Variants in CDH13 observed in about 807,000 individuals in gnomAD.
CDH13 encodes the protein cadherin 13, also known as cadherin-13.
In CDH13, 24 loss-of-function variants were observed where a neutral mutation model predicts 63.8. The ratio of observed to expected loss-of-function variants is 0.38; its 90% confidence interval spans 0.27 to 0.53. The LOEUF is 0.53. Ranked by LOEUF, CDH13 falls within the 20% of genes least tolerant of loss-of-function variation. The pLI, the probability that CDH13 is intolerant of heterozygous loss-of-function variation, is 0.85. For synonymous variants in CDH13, 503 were observed against 355.3 expected (o/e 1.42, Z -4.67); for missense variants, 1,049 against 903.1 (o/e 1.16, Z -2.07).
chr16:82,800,912 T>C (rs1597628962), intron 1 of CDH13, among the ~76,000 whole-genome samples: 1 of 152,222 alleles, frequency 6.6e-6, no homozygotes, highest in African/African-American at 2.4e-5. Context: ...TTATTTCCTT[T>C]TTCCTCCTTT....
chr16:83,180,813 T>G, intron 4 of CDH13: 1 of 1,193,430 alleles, frequency 8.4e-7, no homozygotes, highest in Non-Finnish European at 1.2e-6. Flanking sequence ...AGTCATTTGT[T>G]GGCTTGTTTA....
chr16:82,833,321 C>T (rs1309604974), intron 1 of CDH13, among the ~76,000 whole-genome samples: 1 of 152,206 alleles, frequency 6.6e-6, no homozygotes, highest in African/African-American at 2.4e-5. Flanking sequence ...TTCTCACTGA[C>T]ATTTTCGTGG....
chr16:83,184,330 A>G (rs1720231173), intron 4 of CDH13, among the ~76,000 whole-genome samples: 1 of 151,740 alleles, frequency 6.6e-6, no homozygotes, highest in African/African-American at 2.4e-5. Context: ...AACTCTGTCG[A>G]CTCTTTGCTT....
chr16:83,488,204 C>T (rs1389708144), intron 7 of CDH13, among the ~76,000 whole-genome samples: 1 of 152,206 alleles, frequency 6.6e-6, no homozygotes, highest in Admixed American at 6.5e-5. Flanking sequence ...TTGTACCGGA[C>T]AGTGCAGACC....
intron 2 of CDH13, among the ~76,000 whole-genome samples, chr16:83,007,542 T>G (rs1337988312): frequency 6.6e-6 from 1 of 152,096 alleles, no homozygotes; most frequent in South Asian, 2.1e-4. Context: ...AAGAAAAATG[T>G]CTTAAGGCCG....
intron 1 of CDH13, among the ~76,000 whole-genome samples, chr16:82,757,629 C>G (rs912212374): frequency 3.1e-5 from 3 of 95,894 alleles, no homozygotes; most frequent in Admixed American, 1.4e-4. Context: ...TTGGTAATAA[C>G]GCCATAGCTT....
chr16:83,264,532 ATG>A (rs976274921), intron 5 of CDH13, among the ~76,000 whole-genome samples: 3 of 125,336 alleles, frequency 2.4e-5, no homozygotes, highest in African/African-American at 3.0e-5. Flanking sequence ...ATATATGTAT[ATG>A]TGTGTGTATA....
In CDH13 at chr16:83,135,977, C is replaced by T. The variant is rs142485082; in HGVS notation, c.483+10476C>T. On this transcript the variant is annotated intron_variant, in intron 4 of 13. Coordinates refer to ENST00000567109, the MANE Select transcript of CDH13 (RefSeq NM_001257.5). ...ACATGTGGGAGCTAAGCTATGAGGACGCAAAAGCATAGGCATGATACAACG... is the reference window on the plus strand; with the variant it reads ...ACATGTGGGAGCTAAGCTATGAGGATGCAAAAGCATAGGCATGATACAACG... Among the ~76,000 whole-genome samples the T allele has an allele frequency of 2.4e-3, 371 of 151,902 alleles. 1 individual carries two copies. The highest frequency in any genetic ancestry group is 4.0e-3 in the Non-Finnish European group (273 of 67,970).
intron 6 of CDH13, among the ~76,000 whole-genome samples, chr16:83,350,281 C>A (rs931731212): frequency 6.6e-6 from 1 of 152,222 alleles, no homozygotes; most frequent in Non-Finnish European, 1.5e-5. Flanking sequence ...CAGCCCCCCA[C>A]CCTGGACGGG....
chr16:83,546,518 A>T (rs1224765164), intron 7 of CDH13, among the ~76,000 whole-genome samples: 1 of 152,060 alleles, frequency 6.6e-6, no homozygotes, highest in Non-Finnish European at 1.5e-5. Flanking sequence ...AAAGTTTGAA[A>T]AATCCATTTA....
intron 7 of CDH13, among the ~76,000 whole-genome samples, chr16:83,494,986 CT>C (rs1291897637): frequency 9.2e-5 from 14 of 151,606 alleles, no homozygotes; most frequent in Non-Finnish European, 1.9e-4. Flanking sequence ...GGTCAGGAAA[CT>C]TTTTTTTTAA....
At chr16:83,428,398 C>T (rs957137928) in intron 6 of CDH13, among the ~76,000 whole-genome samples, 1 of 151,422 alleles carries the variant, frequency 6.6e-6, no homozygotes, top group African/African-American at 2.4e-5. Context: ...CAATATTTTC[C>T]TGAGTTGATT....
intron 3 of CDH13, among the ~76,000 whole-genome samples, chr16:83,046,077 A>C (rs868608218): frequency 8.5e-5 from 13 of 152,280 alleles, no homozygotes; most frequent in Admixed American, 6.5e-5. Flanking sequence ...TTGTTTAAGC[A>C]AAGCCAAGTC....
At chr16:83,211,762 C>A (rs547690045) in intron 4 of CDH13, among the ~76,000 whole-genome samples, 15 of 152,094 alleles carry the variant, frequency 9.9e-5, no homozygotes, top group African/African-American at 4.8e-5. Context: ...CCACCTCCCC[C>A]CCCCAAACAG....
chr16:83,541,269 G>A (rs1273352516), intron 7 of CDH13, among the ~76,000 whole-genome samples: 1 of 152,136 alleles, frequency 6.6e-6, no homozygotes, highest in Non-Finnish European at 1.5e-5. Flanking sequence ...TCATAATATT[G>A]AGGCATTGAA....
chr16:82,874,446 C>G (rs982721438), intron 2 of CDH13, among the ~76,000 whole-genome samples: 3 of 152,042 alleles, frequency 2.0e-5, no homozygotes, highest in African/African-American at 7.2e-5. Context: ...TCTTGGCAGG[C>G]CACCCCCGAG....
At chr16:83,658,010 C>T (rs1236055739) in intron 8 of CDH13, among the ~76,000 whole-genome samples, 6 of 146,866 alleles carry the variant, frequency 4.1e-5, no homozygotes, top group African/African-American at 1.6e-4. Context: ...AGCAAGGTCC[C>T]ATATCCTCAC....
chr16:83,085,566 G>A (rs778099472), intron 3 of CDH13, among the ~76,000 whole-genome samples: 4 of 152,218 alleles, frequency 2.6e-5, no homozygotes, highest in African/African-American at 9.6e-5. Context: ...TCTACTGTTT[G>A]TCTCTCATAG....
At chr16:83,292,502 C>T (rs2089488975) in intron 5 of CDH13, among the ~76,000 whole-genome samples, 4 of 152,096 alleles carry the variant, frequency 2.6e-5, no homozygotes, top group Admixed American at 1.3e-4. Flanking sequence ...CTTTGGGCCA[C>T]AGCGACAAAA....
Sources: allele counts gnomAD v4.1 joint callset (sites outside exome capture counted in the v4.1 genomes callset), GRCh38; gene constraint gnomAD v4.1.1; transcripts MANE v1.5; gene names NCBI Gene and HGNC (gene_info 2026-07-23, HGNC 2026-07-21).